SV2C: variants seen among roughly 807,000 people sequenced by gnomAD.
SV2C encodes the protein solute carrier family 22 member B3.
A neutral mutation model predicts 79.7 loss-of-function variants in SV2C; 49 were observed. That is an observed-to-expected ratio of 0.61 (90% confidence interval 0.49 to 0.78). The LOEUF is 0.78. SV2C is among the 30% of genes least tolerant of loss of function. The pLI is 0.00. For missense variants in SV2C, 833 were observed against 912.9 expected, an observed-to-expected ratio of 0.91 and a Z score of 1.13; for synonymous variants, 334 against 333.2, an observed-to-expected ratio of 1.00 and a Z score of -0.03.
chr5:76,243,916 G>A (rs1393877536), intron 4 of SV2C, among the ~76,000 whole-genome samples: 1 of 152,114 alleles, frequency 6.6e-6, no homozygotes, highest in Non-Finnish European at 1.5e-5. Context: ...TTCCCTCTCA[G>A]GGCATTTGCA....
At chr5:75,924,674 AG>A in the SV2C span, among the ~76,000 whole-genome samples, 1 of 152,138 alleles carries the variant, frequency 6.6e-6, no homozygotes, top group Non-Finnish European at 1.5e-5. Context: ...CACTGGGCAA[AG>A]GTTGGGTTAT....
the SV2C span, among the ~76,000 whole-genome samples, chr5:76,011,916 G>A: frequency 1.4e-4 from 21 of 152,050 alleles, no homozygotes; most frequent in South Asian, 4.1e-4. Context: ...CAGCTTCATC[G>A]ATGTCGCTGC....
At chr5:76,216,312 G>T (rs1744907920) in intron 4 of SV2C, among the ~76,000 whole-genome samples, 1 of 152,138 alleles carries the variant, frequency 6.6e-6, no homozygotes. Context: ...ACCTTAGGAG[G>T]CAGAGTGCTT....
the SV2C span, among the ~76,000 whole-genome samples, chr5:75,897,798 G>A: frequency 4.6e-5 from 7 of 152,008 alleles, no homozygotes; most frequent in South Asian, 1.5e-3. Flanking sequence ...CTTGTAAGTT[G>A]GATTCCTAGG....
At chr5:76,181,966 C>G (rs1051209461) in intron 2 of SV2C, among the ~76,000 whole-genome samples, 1 of 152,164 alleles carries the variant, frequency 6.6e-6, no homozygotes, top group South Asian at 2.1e-4. Flanking sequence ...CCACCAGACA[C>G]CTATCCTCCT....
chr5:76,136,472 T>A (rs578122568), intron 2 of SV2C, among the ~76,000 whole-genome samples: 195 of 151,806 alleles, frequency 1.3e-3, no homozygotes, highest in Non-Finnish European at 2.2e-3. Context: ...ATTCAGGAAC[T>A]TTTTTTTTGT....
chr5:76,325,205 G>A (rs1453019931), intron 12 of SV2C, among the ~76,000 whole-genome samples, 159 bp from the exon 13 acceptor site: 1 of 152,154 alleles, frequency 6.6e-6, no homozygotes, highest in Non-Finnish European at 1.5e-5. Flanking sequence ...CAACAGCTAG[G>A]ATTCTCTACT....
the SV2C span, among the ~76,000 whole-genome samples, chr5:75,870,811 T>C: frequency 6.6e-6 from 1 of 152,242 alleles, no homozygotes; most frequent in African/African-American, 2.4e-5. Flanking sequence ...CCAATACATC[T>C]GGCAGCAGTC....
intron 1 of SV2C, among the ~76,000 whole-genome samples, chr5:76,117,984 C>T (rs1748334806): frequency 1.3e-5 from 2 of 152,184 alleles, no homozygotes; most frequent in Admixed American, 6.5e-5. Flanking sequence ...TTATATCCTT[C>T]CTATATGAAG....
chr5:75,915,841 C>T, the SV2C span, among the ~76,000 whole-genome samples: 1 of 152,076 alleles, frequency 6.6e-6, no homozygotes, highest in African/African-American at 2.4e-5. Context: ...TTGATGTGGG[C>T]CTTGAAGAGG....
chr5:76,315,071 G>A (rs1334236494), intron 12 of SV2C, among the ~76,000 whole-genome samples: 1 of 152,108 alleles, frequency 6.6e-6, no homozygotes, highest in Non-Finnish European at 1.5e-5. Context: ...TTGGGATCCA[G>A]GGATTCCTGT....
At chr5:76,321,093 G>T (rs1748812516) in intron 12 of SV2C, among the ~76,000 whole-genome samples, 1 of 152,152 alleles carries the variant, frequency 6.6e-6, no homozygotes. Flanking sequence ...AAGGAGGATG[G>T]TTGGATAATA....
the SV2C span, among the ~76,000 whole-genome samples, chr5:75,926,732 T>C: frequency 6.6e-6 from 1 of 152,230 alleles, no homozygotes; most frequent in South Asian, 2.1e-4. Flanking sequence ...CCTGCCAAAC[T>C]GCATGTATGC....
At chr5:76,108,312 A>C (rs17673786) in intron 1 of SV2C, among the ~76,000 whole-genome samples, 50,092 of 152,114 alleles carry the variant, frequency 0.33, 10,752 homozygotes, top group African/African-American at 0.6. Flanking sequence ...AACTTATATA[A>C]TGTGGCCAGT....
At chr5:76,136,647 A>G (rs1438506091) in intron 2 of SV2C, among the ~76,000 whole-genome samples, 1 of 152,208 alleles carries the variant, frequency 6.6e-6, no homozygotes, top group African/African-American at 2.4e-5. Flanking sequence ...ACATTTAAAC[A>G]GAGTTTTGAA....
the SV2C span, among the ~76,000 whole-genome samples, chr5:76,038,803 A>T: frequency 6.6e-6 from 1 of 152,246 alleles, no homozygotes; most frequent in South Asian, 2.1e-4. Context: ...CAACTGAGAA[A>T]ACATCAATCA....
At position 76,322,771 on chromosome 5, in the gene SV2C, A is replaced by C. The variant is rs144031919; in HGVS notation, c.2001-2593A>C. ...ATCTGATCTTCAACAAACCTCACAG[A>C]AACAAGAGATGGGGAAAAGATCTCC... On this transcript the variant is annotated intron_variant, in intron 12 of 12. Transcript: ENST00000502798. Among the ~76,000 whole-genome samples, 25 of 152,344 alleles carry C rather than the reference A, an allele frequency of 1.6e-4. No homozygotes were observed. In the East Asian group the frequency reaches 4.6e-3, roughly 28 times the overall value.
intron 2 of SV2C, among the ~76,000 whole-genome samples, chr5:76,152,803 C>T (rs933840960): frequency 2.0e-5 from 3 of 152,214 alleles, no homozygotes; most frequent in Non-Finnish European, 4.4e-5. Flanking sequence ...ACACTGGGCA[C>T]ACTACCGTTA....
intron 1 of SV2C, among the ~76,000 whole-genome samples, chr5:76,117,003 G>C (rs1354562837): frequency 1.3e-5 from 2 of 152,180 alleles, no homozygotes; most frequent in Non-Finnish European, 2.9e-5. Context: ...GAGGAAAAGT[G>C]AGCTAGGACT....
Sources: gnomAD v4.1 joint callset for allele counts (sites outside exome capture counted in the v4.1 genomes callset) on GRCh38, gnomAD v4.1.1 for gene constraint, MANE v1.5 for transcripts, NCBI Gene and HGNC (gene_info 2026-07-23, HGNC 2026-07-21) for gene names.